SESTD1: variants seen among roughly 807,000 people sequenced by gnomAD.
SESTD1 encodes the protein SEC14 and spectrin domain containing 1.
Under a neutral mutation model 101.7 loss-of-function variants are expected in SESTD1, and 43 were observed. The ratio of observed to expected loss-of-function variants is 0.42; its 90% CI spans 0.33 to 0.55. SESTD1 has a LOEUF of 0.55. SESTD1 is among the 20% of genes least tolerant of loss of function. The pLI, the probability that SESTD1 is intolerant of heterozygous loss-of-function variation, is 0.07. For missense variants in SESTD1, 647 were observed against 815.1 expected, an observed-to-expected ratio of 0.79 and a Z score of 2.51; for synonymous variants, 283 against 286.8, an observed-to-expected ratio of 0.99 and a Z score of 0.13.
chr2:179,182,799 T>C (rs902309117), intron 3 of SESTD1, among the ~76,000 whole-genome samples: 27 of 152,256 alleles, frequency 1.8e-4, no homozygotes, highest in African/African-American at 6.5e-4. Flanking sequence ...ATTCTCCAAT[T>C]TTCCTAAAGT....
At chr2:179,142,189 TG>T (rs2045294130) in intron 9 of SESTD1, among the ~76,000 whole-genome samples, 1 of 152,306 alleles carries the variant, frequency 6.6e-6, no homozygotes, top group East Asian at 1.9e-4. Context: ...TGTACTATAA[TG>T]GAAGAGTTAA....
intron 1 of SESTD1, among the ~76,000 whole-genome samples, chr2:179,255,780 T>G (rs970943732): frequency 2.6e-5 from 4 of 152,236 alleles, no homozygotes; most frequent in Admixed American, 2.6e-4. Context: ...TCTAGGACTT[T>G]CATAGCAAGA....
intron 16 of SESTD1, among the ~76,000 whole-genome samples, chr2:179,114,631 TTCTTA>T (rs2044587451): frequency 6.8e-6 from 1 of 147,476 alleles, no homozygotes; most frequent in African/African-American, 2.7e-5. Flanking sequence ...TTTGTCCTTA[TTCTTA>T]TTTTTTTAAT....
intron 1 of SESTD1, among the ~76,000 whole-genome samples, chr2:179,239,212 C>A (rs188818547): frequency 1.7e-3 from 259 of 152,158 alleles, no homozygotes; most frequent in South Asian, 0.016. Flanking sequence ...CTGCAACCAC[C>A]TTTTAAAAAA....
intron 9 of SESTD1, 85 bp downstream of exon 9, chr2:179,143,507 G>T: frequency 1.7e-6 from 2 of 1,154,272 alleles, no homozygotes; most frequent in East Asian, 4.9e-5. Context: ...TTTCTATATA[G>T]TGTATATAAG....
chr2:179,143,702 C>T lies in SESTD1; in HGVS notation c.739G>A (p.Val247Ile). The change falls in exon 9 of 18, where the codon GTT (valine) becomes ATT (isoleucine). Residue 247 changes from valine to isoleucine, a missense_variant. By Grantham distance (29) the Val-to-Ile change is conservative. This residue lies in a region of SESTD1 where 476 missense variants were observed against 562.6 expected (regional missense o/e 0.85). Transcript: ENST00000428443. Reference sequence around the variant, plus strand: ...CGGAGTGAATCTAATAATTTCATAACCTGTGGCTGTGCAAGAAGTTCATCA... The same window carrying T: ...CGGAGTGAATCTAATAATTTCATAATCTGTGGCTGTGCAAGAAGTTCATCA... Reference protein sequence around the residue: ...MDDELLAQPQVMKLLDSLREQ... With the variant: ...MDDELLAQPQIMKLLDSLREQ... 1.9e-6 allele frequency: 3 copies of T among 1,613,990 alleles called. No individual in the cohort carries two copies. Among genetic ancestry groups the T allele is most frequent in the Non-Finnish European group, 2.5e-6 (3 of 1,179,940 alleles).
rs535763009 is a variant in SESTD1, at chr2:179,164,601, G to A, written c.369+7519C>T. ...AATATAATATCTGAGTTGCTAAAAAGGAAAATGAACAGGTAGGTATCTATG... is the reference window on the plus strand; with the variant it reads ...AATATAATATCTGAGTTGCTAAAAAAGAAAATGAACAGGTAGGTATCTATG... On this transcript the variant is annotated intron_variant, in intron 5 of 17. Coordinates refer to ENST00000428443, the MANE Select transcript of SESTD1 (RefSeq NM_178123.5). Among the ~76,000 whole-genome samples the A allele has an allele frequency of 3.5e-4, 53 of 152,188 alleles. No homozygotes were observed. In the Middle Eastern group the frequency reaches 0.017, roughly 49 times the overall value.
At chr2:179,206,268 G>C (rs2046589548) in intron 1 of SESTD1, among the ~76,000 whole-genome samples, 1 of 135,564 alleles carries the variant, frequency 7.4e-6, no homozygotes, top group Non-Finnish European at 1.6e-5. Flanking sequence ...AGAGTTCACA[G>C]AGCCTTCAAA....
rs2105444845 is a variant in SESTD1, at chr2:179,146,442, G to A, written c.597C>T (p.Asn199=). 6.2e-7 allele frequency: 1 copy of A among 1,613,146 alleles called. No individual in the cohort carries two copies. Among genetic ancestry groups the A allele is most frequent in the East Asian group, 2.2e-5 (1 of 44,802 alleles). The stretch of plus-strand genomic sequence containing the variant: ...TTTCAGGATCAACCGATGGAAGAAA[G>A]TTTAAATCCACAGACCTGGAAAACA... ...QQEKERSVDL[N]FLPSVDPETV... The change falls in exon 8 of 18, where the codon AAC becomes AAT. Residue 199 remains asparagine, a synonymous_variant. Transcript: ENST00000428443.
intron 15 of SESTD1, 31 bp from the exon 16 acceptor site, chr2:179,115,287 A>G: frequency 6.6e-7 from 1 of 1,513,708 alleles, no homozygotes; most frequent in South Asian, 1.3e-5. Context: ...TAAAATTGTA[A>G]TAAAAGAATT....
At chr2:179,261,922 A>C (rs149225863) in intron 1 of SESTD1, among the ~76,000 whole-genome samples, 19 of 152,334 alleles carry the variant, frequency 1.2e-4, no homozygotes, top group African/African-American at 4.6e-4. Context: ...CTTGTAAATG[A>C]GTATCCACAA....
intron 1 of SESTD1, among the ~76,000 whole-genome samples, chr2:179,226,733 T>C (rs922728867): frequency 6.6e-6 from 1 of 152,172 alleles, no homozygotes; most frequent in Non-Finnish European, 1.5e-5. Context: ...TTTACATATA[T>C]AGTCAATAAA....
chr2:179,176,488 G>A lies in SESTD1; in HGVS notation c.215C>T (p.Ser72Leu), dbSNP rs375043655. The A allele has an allele frequency of 2.5e-6, 4 of 1,613,380 alleles. No homozygotes were observed. Among genetic ancestry groups the A allele is most frequent in the Non-Finnish European group, 3.4e-6 (4 of 1,179,790 alleles). Residue 72 changes from serine to leucine, a missense_variant, in exon 4 of 18, where the codon TCA (serine) becomes TTA (leucine). Around this residue, in one of 3 missense-constraint regions of SESTD1, gnomAD observed 168 missense variants for 235.1 expected, o/e 0.71. Transcript: ENST00000428443. ...GFTVIVDGRKSQWNVVKTVVV... is the reference protein window; with the variant it reads ...GFTVIVDGRKLQWNVVKTVVV... The stretch of plus-strand genomic sequence containing the variant: ...TACTGTTTTCACCACATTCCACTGT[G>A]ATTTTCTGCCATCCACAATCACGGT...
intron 1 of SESTD1, among the ~76,000 whole-genome samples, chr2:179,227,544 TG>T (rs2046906659): frequency 6.6e-6 from 1 of 152,218 alleles, no homozygotes; most frequent in South Asian, 2.1e-4. Flanking sequence ...AACAGCTATT[TG>T]AACAAATAGT....
Position 179,124,438 on chromosome 2 carries a change from G to C in SESTD1, c.1093C>G (p.Arg365Gly), listed in dbSNP as rs1354402436. ...LQQQLSDVCY[R>G]QASQLEFRQN... ...CTAAATTCCAGCTGACTGGCCTGTCGATAACAAACATCACTAAGTTGTTGC... is the reference window on the plus strand; with the variant it reads ...CTAAATTCCAGCTGACTGGCCTGTCCATAACAAACATCACTAAGTTGTTGC... Residue 365 changes from arginine (R) to glycine (G), a missense_variant, in exon 11 of 18, where the codon CGA becomes GGA. Arg to Gly is a moderately radical substitution (Grantham distance 125, BLOSUM62 -2). This residue lies in a region of SESTD1 where 476 missense variants were observed against 562.6 expected (regional missense o/e 0.85). Coordinates refer to ENST00000428443, the MANE Select transcript of SESTD1 (RefSeq NM_178123.5). The C allele has an allele frequency of 6.2e-7, 1 of 1,614,028 alleles. No individual in the cohort carries two copies. Among genetic ancestry groups the C allele is most frequent in the East Asian group, 2.2e-5 (1 of 44,868 alleles).
intron 9 of SESTD1, among the ~76,000 whole-genome samples, chr2:179,138,571 C>G (rs913781809): frequency 2.6e-5 from 4 of 152,134 alleles, no homozygotes; most frequent in African/African-American, 9.7e-5. Flanking sequence ...GAGAGGTTCT[C>G]AGGCTTGTAT....
rs1327632458 is a variant in SESTD1 at position 179,108,594 on chromosome 2, A to C, written c.*1305T>G. 1 of 150,684 alleles carries C rather than the reference A, an allele frequency of 6.6e-6. No homozygotes were observed. The highest frequency in any genetic ancestry group is 1.9e-4 in the East Asian group (1 of 5,148). 9.3% of individuals were successfully genotyped at this position (150,684 alleles called of 1,614,324 possible). On this transcript the variant is annotated 3_prime_UTR_variant, in exon 18 of 18. Transcript: ENST00000428443. ...TGGAAAAACTAGCAGGTTAAAAGGG[A>C]GGGGTTTTTTTTTTGCATTGGAAGA... is the stretch of plus-strand genomic sequence containing the variant.
chr2:179,211,605 A>G lies in SESTD1; in HGVS notation c.-25-19739T>C. On this transcript the variant is annotated intron_variant, in intron 1 of 17. Coordinates refer to ENST00000428443, the MANE Select transcript of SESTD1 (RefSeq NM_178123.5). The stretch of plus-strand genomic sequence containing the variant: ...CTACTAAACAAATGGTGCTGGGATA[A>G]TTGGCAAGAAACGTCACACACACAT... 1.5e-5 allele frequency among the ~76,000 whole-genome samples: 2 copies of G among 134,030 alleles called. 1 individual carries two copies. Among genetic ancestry groups the G allele is most frequent in the Non-Finnish European group, 3.2e-5 (2 of 62,488 alleles). 87.9% of individuals were successfully genotyped at this position (134,030 alleles called of 152,430 possible).
intron 5 of SESTD1, among the ~76,000 whole-genome samples, chr2:179,167,319 T>C (rs1352931598): frequency 6.6e-6 from 1 of 151,184 alleles, no homozygotes; most frequent in East Asian, 1.9e-4. Context: ...CAAGAGAAAA[T>C]ACCTAAACTG....
Sources: allele counts gnomAD v4.1 joint callset (sites outside exome capture counted in the v4.1 genomes callset), GRCh38; gene constraint gnomAD v4.1.1; regional missense constraint gnomAD v4.1.1; transcripts MANE v1.5; gene names NCBI Gene and HGNC (gene_info 2026-07-23, HGNC 2026-07-21).